The following HEATR5A variants were observed in gnomAD, a reference collection of about 807,000 sequenced individuals.
The protein encoded by HEATR5A is HEAT repeat containing 5A.
In HEATR5A, 178 loss-of-function variants were observed where a neutral mutation model predicts 218.8. The ratio of observed to expected loss-of-function variants is 0.81; its 90% CI spans 0.72 to 0.92. The LOEUF (loss-of-function observed/expected upper bound fraction) is 0.92. HEATR5A is among the 40% of genes least tolerant of loss of function. The pLI, the probability that HEATR5A is intolerant of heterozygous loss-of-function variation, is 0.00. For missense variants in HEATR5A, 2,420 were observed against 2,418.9 expected (o/e 1.00, Z -0.01); for synonymous variants, 864 against 871.6 (o/e 0.99, Z 0.15).
chr14:31,330,902 C>A (rs1310166683), intron 22 of HEATR5A, among the ~76,000 whole-genome samples: 5 of 149,874 alleles, frequency 3.3e-5, no homozygotes, highest in African/African-American at 9.8e-5. Context: ...CCTCAGGCTG[C>A]AAATTTTCCA....
chr14:31,358,648 T>G lies in HEATR5A; in HGVS notation c.2400A>C (p.Gly800=). The G allele has an allele frequency of 6.2e-7, 1 of 1,612,974 alleles. No homozygotes were observed. The highest frequency in any genetic ancestry group is 8.5e-7 in the Non-Finnish European group (1 of 1,179,588). Residue 800 remains glycine, a synonymous_variant, in exon 16 of 36, where the codon GGA becomes GGC. Transcript: ENST00000543095. The stretch of plus-strand genomic sequence containing the variant: ...TTGAAGATATTTACCTTTGAGTTTC[T>G]CCCACATGAGCGCATACAACCCCAA... ...KLFGVVCAHV[G]ETQRLLILEQ...
At chr14:31,338,112 A>C (rs796413517) in intron 21 of HEATR5A, among the ~76,000 whole-genome samples, 1 of 152,172 alleles carries the variant, frequency 6.6e-6, no homozygotes, top group South Asian at 2.1e-4. Context: ...TAGCTGTGTG[A>C]CTGTGGGCAA....
chr14:31,358,604 T>C lies in HEATR5A; in HGVS notation c.2411+33A>G, dbSNP rs774446142. The C allele has an allele frequency of 1.4e-5, 22 of 1,582,178 alleles. No individual in the cohort carries two copies. In the Admixed American group the frequency reaches 3.6e-4, roughly 26 times the overall value. On this transcript the variant is annotated intron_variant, in intron 16 of 35. Coordinates refer to ENST00000543095, the MANE Select transcript of HEATR5A (RefSeq NM_015473.4). ...ATTCTTCTTACCCACCAGTTCTCTA[T>C]TATCCATTCACTGAACCATTGAAGA...
At chr14:31,416,129 G>GT (rs1311186952) in intron 1 of HEATR5A, among the ~76,000 whole-genome samples, 4 of 151,590 alleles carry the variant, frequency 2.6e-5, no homozygotes, top group African/African-American at 9.7e-5. Flanking sequence ...TTTTGTTTTT[G>GT]TTTTTTGAGA....
At chr14:31,303,629 C>T in intron 32 of HEATR5A, among the ~76,000 whole-genome samples, 1 of 152,048 alleles carries the variant, frequency 6.6e-6, no homozygotes, top group African/African-American at 2.4e-5. Flanking sequence ...CAGATACAAG[C>T]TACAGACCTA....
intron 3 of HEATR5A, among the ~76,000 whole-genome samples, chr14:31,399,516 C>T (rs1320994858): frequency 6.6e-6 from 1 of 152,058 alleles, no homozygotes; most frequent in Admixed American, 6.6e-5. Flanking sequence ...AAAAATGAGA[C>T]CAACAAAAAC....
At chr14:31,312,909 A>G in intron 28 of HEATR5A, 59 bp downstream of exon 28, 1 of 1,396,052 alleles carries the variant, frequency 7.2e-7, no homozygotes, top group East Asian at 2.4e-5. Context: ...AACAAAAAAA[A>G]AGAAAAGAAA....
At chr14:31,366,200 C>T (rs887789549) in intron 13 of HEATR5A, among the ~76,000 whole-genome samples, 1 of 152,016 alleles carries the variant, frequency 6.6e-6, no homozygotes, top group South Asian at 2.1e-4. Context: ...CTTGAGCCCA[C>T]GAGTTTGAGG....
At chr14:31,330,327 GGCTGGAACA>G (rs940858134) in intron 22 of HEATR5A, among the ~76,000 whole-genome samples, 8 of 152,118 alleles carry the variant, frequency 5.3e-5, no homozygotes, top group African/African-American at 1.9e-4. Flanking sequence ...TTTTAGCCAT[GGCTGGAACA>G]GCTGGAACAC....
chr14:31,302,237 A>G, intron 33 of HEATR5A, 58 bp downstream of exon 33: 1 of 1,249,282 alleles, frequency 8.0e-7, no homozygotes, highest in Non-Finnish European at 1.1e-6. Context: ...TATCCTCAAA[A>G]AACTCTTCTT....
In HEATR5A at chr14:31,307,936, A is replaced by G. The variant is rs1213152832; in HGVS notation, c.4775T>C (p.Leu1592Pro). 1.3e-5 allele frequency: 21 copies of G among 1,613,794 alleles called. No homozygotes were observed. The highest frequency in any genetic ancestry group is 1.7e-5 in the Non-Finnish European group (20 of 1,179,856). The change falls in exon 30 of 36, where the codon CTT becomes CCT. Residue 1592 changes from leucine to proline, a missense_variant. Transcript: ENST00000543095. ...ITACLHALQA[L>P]LDVPWPRSKI... Reference sequence around the variant, plus strand: ...TGATCTGGGCCAAGGTACATCTAGAAGTGCTTGCAATGCATGTAAACAAGC... The same window carrying G: ...TGATCTGGGCCAAGGTACATCTAGAGGTGCTTGCAATGCATGTAAACAAGC...
At chr14:31,326,708 TC>T (rs1480000201) in intron 22 of HEATR5A, among the ~76,000 whole-genome samples, 1 of 152,158 alleles carries the variant, frequency 6.6e-6, no homozygotes, top group Non-Finnish European at 1.5e-5. Flanking sequence ...AATGGCACGA[TC>T]TTGGCTCACT....
At position 31,309,074 on chromosome 14, in the gene HEATR5A, A is replaced by G; in HGVS notation, c.4550T>C (p.Phe1517Ser). Residue 1517 changes from phenylalanine to serine, a missense_variant, in exon 29 of 36, where the codon TTT (phenylalanine) becomes TCT (serine). Coordinates refer to ENST00000543095, the MANE Select transcript of HEATR5A (RefSeq NM_015473.4). ...TCCTTCATCTGGGTCAGCAACAACA[A>G]AACCCGTGCTTGTAAGCCACAATGC... is the stretch of plus-strand genomic sequence containing the variant. ...ATALWLTSTGFVVADPDEGAS... is the reference protein window; with the variant it reads ...ATALWLTSTGSVVADPDEGAS... The G allele has an allele frequency of 6.2e-7, 1 of 1,614,014 alleles. No homozygotes were observed. Among genetic ancestry groups the G allele is most frequent in the Non-Finnish European group, 8.5e-7 (1 of 1,179,898 alleles).
intron 1 of HEATR5A, among the ~76,000 whole-genome samples, chr14:31,403,617 C>A (rs1190452533): frequency 1.3e-5 from 2 of 152,214 alleles, no homozygotes; most frequent in African/African-American, 4.8e-5. Context: ...CCAGTCTTAA[C>A]TAGGCTTATC....
Position 31,312,986 on chromosome 14 carries a change from A to T in HEATR5A, c.4423T>A (p.Ser1475Thr), listed in dbSNP as rs534517365. ...TCCTTACCTTCAGCAGGAAGTTGGG[A>T]GGCAAATTCTGAAGGCAAAGTTAAA... ...ALLTLPSEFA[S>T]QLPAEGGAFY... The change falls in exon 28 of 36, where the codon TCC becomes ACC. Residue 1475 changes from serine to threonine, a missense_variant. Physicochemically the swap from Ser to Thr is moderately conservative, Grantham distance 58 (BLOSUM62 1). Coordinates refer to ENST00000543095, the MANE Select transcript of HEATR5A (RefSeq NM_015473.4). 6 of 1,612,952 alleles carry T rather than the reference A, an allele frequency of 3.7e-6. No homozygotes were observed. The highest frequency in any genetic ancestry group is 1.6e-4 in the Middle Eastern group (1 of 6,062).
intron 22 of HEATR5A, among the ~76,000 whole-genome samples, chr14:31,333,091 C>G (rs761057968): frequency 7.2e-5 from 11 of 151,858 alleles, no homozygotes; most frequent in Non-Finnish European, 1.5e-4. Context: ...GAGGAAGCTA[C>G]AGAAGAAAAG....
In HEATR5A at chr14:31,349,897, C is replaced by T; in HGVS notation, c.2600G>A (p.Ser867Asn). 1 of 1,612,144 alleles carries T rather than the reference C, an allele frequency of 6.2e-7. No homozygotes were observed. Among genetic ancestry groups the T allele is most frequent in the African/African-American group, 1.3e-5 (1 of 75,008 alleles). ...ALTLVMGALE[S>N]PNPLLRCAAA... ...TGCACATCTCAGCAAGGGGTTGGGG[C>T]TTTCTAGGGCTCCCATAACTAATGT... is the stretch of plus-strand genomic sequence containing the variant. The change falls in exon 18 of 36, where the codon AGC (serine) becomes AAC (asparagine). Residue 867 changes from serine (S) to asparagine (N), a missense_variant. Coordinates refer to ENST00000543095, the MANE Select transcript of HEATR5A (RefSeq NM_015473.4).
intron 1 of HEATR5A, among the ~76,000 whole-genome samples, chr14:31,404,084 A>G (rs1450816055): frequency 6.6e-6 from 1 of 152,226 alleles, no homozygotes; most frequent in African/African-American, 2.4e-5. Flanking sequence ...AAAGCACAAC[A>G]AAAAGTAGAA....
At chr14:31,299,447 C>T (rs191646793) in intron 33 of HEATR5A, among the ~76,000 whole-genome samples, 1 of 152,334 alleles carries the variant, frequency 6.6e-6, no homozygotes, top group African/African-American at 2.4e-5. Context: ...TGGCCAGACA[C>T]AGTGGCTCAT....
Sources: allele counts gnomAD v4.1 joint callset (sites outside exome capture counted in the v4.1 genomes callset), GRCh38; gene constraint gnomAD v4.1.1; transcripts MANE v1.5; gene names NCBI Gene and HGNC (gene_info 2026-07-23, HGNC 2026-07-21).